The following ARFGEF3 variants were observed in gnomAD, a reference collection of about 807,000 sequenced individuals.
ARFGEF3 encodes ARFGEF family member 3.
ARFGEF3 carries 96 observed loss-of-function variants against 221.7 expected under a neutral mutation model. That is an observed-to-expected ratio of 0.43 (90% CI 0.37 to 0.51). The LOEUF is 0.51. ARFGEF3 is among the 20% of genes least tolerant of loss of function. ARFGEF3 has a pLI of 0.00. For missense variants in ARFGEF3, 2,410 were observed against 2,789.9 expected (o/e 0.86, Z 3.07); for synonymous variants, 1,145 against 1,126.8 (o/e 1.02, Z -0.32).
intron 5 of ARFGEF3, among the ~76,000 whole-genome samples, chr6:138,236,386 T>A (rs561864932): frequency 6.6e-6 from 1 of 152,362 alleles, no homozygotes; most frequent in Non-Finnish European, 1.5e-5. Context: ...ATGGAGAGTT[T>A]GGCTTCATCA....
chr6:138,237,796 C>T (rs1025623319), intron 5 of ARFGEF3, among the ~76,000 whole-genome samples: 1 of 152,174 alleles, frequency 6.6e-6, no homozygotes, highest in Non-Finnish European at 1.5e-5. Flanking sequence ...CTAGAAGCCC[C>T]ATGTCCCAAA....
chr6:138,237,751 A>G (rs1348127524), intron 5 of ARFGEF3, among the ~76,000 whole-genome samples: 1 of 152,214 alleles, frequency 6.6e-6, no homozygotes, highest in Non-Finnish European at 1.5e-5. Context: ...GTGCAAGGAG[A>G]TGAGAGCCAT....
chr6:138,227,134 C>T (rs6907613), intron 4 of ARFGEF3, among the ~76,000 whole-genome samples: 8,019 of 151,690 alleles, frequency 0.053, 423 homozygotes, highest in African/African-American at 0.14. Context: ...ATCTTGTGAA[C>T]ATGGTCAGCA....
At position 138,338,102 on chromosome 6, in the gene ARFGEF3, C is replaced by T. The variant is rs1780364252; in HGVS notation, c.*1616C>T. ...TACCATCTAGAGATCACCACAGAAT[C>T]CATTTTTTTCCCAGTTCCACAAAAC... On this transcript the variant is annotated 3_prime_UTR_variant, in exon 34 of 34. Transcript: ENST00000251691. 6.6e-6 allele frequency: 1 copy of T among 152,194 alleles called. No homozygotes were observed. Among genetic ancestry groups the T allele is most frequent in the South Asian group, 2.1e-4 (1 of 4,828 alleles). The allele number at this position is 152,194 out of a possible 1,614,324, so 9.4% of individuals were successfully genotyped here.
At chr6:138,278,847 T>A (rs1779147090) in intron 13 of ARFGEF3, among the ~76,000 whole-genome samples, 1 of 152,034 alleles carries the variant, frequency 6.6e-6, no homozygotes, top group Admixed American at 6.5e-5. Flanking sequence ...TGGGCTCCAG[T>A]GAAGAGTGTA....
intron 6 of ARFGEF3, among the ~76,000 whole-genome samples, chr6:138,240,800 G>A (rs539038760): frequency 7.9e-5 from 12 of 152,240 alleles, no homozygotes; most frequent in South Asian, 4.1e-4. Flanking sequence ...AAGAATTTAC[G>A]TATTTTTTTT....
intron 12 of ARFGEF3, among the ~76,000 whole-genome samples, chr6:138,271,293 C>T (rs1778999116): frequency 6.6e-6 from 1 of 152,118 alleles, no homozygotes; most frequent in Non-Finnish European, 1.5e-5. Flanking sequence ...GTAGTAAGAC[C>T]TCGTCTCTAC....
chr6:138,236,340 G>A (rs76954155), intron 5 of ARFGEF3, among the ~76,000 whole-genome samples: 2,175 of 152,270 alleles, frequency 0.014, 57 homozygotes, highest in African/African-American at 0.049. Context: ...AAGATTTAAA[G>A]AAAACTGTTA....
At chr6:138,217,847 A>G in intron 4 of ARFGEF3, 2 of 1,218,396 alleles carry the variant, frequency 1.6e-6, no homozygotes, top group East Asian at 2.5e-5. Context: ...ATAACCTCCT[A>G]CATCATCAAA....
At chr6:138,333,562 C>A (rs185377866) in intron 32 of ARFGEF3, among the ~76,000 whole-genome samples, 2 of 152,314 alleles carry the variant, frequency 1.3e-5, no homozygotes, top group East Asian at 3.9e-4. Flanking sequence ...CTGCTTCAGC[C>A]TCCCTAGTAA....
Position 138,291,211 on chromosome 6 carries a change from A to C in ARFGEF3, c.3048-522A>C, listed in dbSNP as rs1300059069. 6.6e-6 allele frequency among the ~76,000 whole-genome samples: 1 copy of C among 151,910 alleles called. No individual in the cohort carries two copies. The highest frequency in any genetic ancestry group is 1.5e-5 in the Non-Finnish European group (1 of 67,982). ...CTCCCACCCGGCCGCCACCCACCCC[A>C]CCCAGACTTGAGTTATGTGGCGCCG... On this transcript the variant is annotated intron_variant, in intron 18 of 33. Coordinates refer to ENST00000251691, the MANE Select transcript of ARFGEF3 (RefSeq NM_020340.5). The surrounding 1 kb of genome is among the most constrained non-coding windows in gnomAD (Gnocchi z 4.5).
chr6:138,319,142 G>A (rs1779977670), intron 27 of ARFGEF3, among the ~76,000 whole-genome samples: 1 of 149,580 alleles, frequency 6.7e-6, no homozygotes, highest in Admixed American at 6.6e-5. Context: ...TTTTGAGAAG[G>A]GATTTCACAA....
Position 138,292,488 on chromosome 6 carries a change from C to T in ARFGEF3, c.3368+435C>T, listed in dbSNP as rs138081983. On this transcript the variant is annotated intron_variant, in intron 19 of 33. Transcript: ENST00000251691. ...TGGCTGTTTTCAAAAATCCCACATG[C>T]ATGTGTTACTTATTGATGCCCAACA... is the stretch of plus-strand genomic sequence containing the variant. Among the ~76,000 whole-genome samples, 283 of 152,312 alleles carry T rather than the reference C, an allele frequency of 1.9e-3. 1 individual carries two copies. Among genetic ancestry groups the T allele is most frequent in the African/African-American group, 6.4e-3 (267 of 41,562 alleles).
rs1780156215 is a variant in ARFGEF3, at chr6:138,327,968, G to C, written c.5002-53G>C. 5 of 1,488,902 alleles carry C rather than the reference G, an allele frequency of 3.4e-6. No homozygotes were observed. The Admixed American group carries it at 8.5e-5, about 25-fold the overall frequency. The allele number at this position is 1,488,902 out of a possible 1,614,324, so 92.2% of individuals were successfully genotyped here. On this transcript the variant is annotated intron_variant, in intron 31 of 33. Coordinates refer to ENST00000251691, the MANE Select transcript of ARFGEF3 (RefSeq NM_020340.5). The stretch of plus-strand genomic sequence containing the variant: ...AGGGTCATCCAGCTGATCCCTGACA[G>C]GTCAAGCAGAGGACACTGGAGTTCT...
chr6:138,243,561 G>T (rs1175071569), intron 7 of ARFGEF3, among the ~76,000 whole-genome samples: 1 of 152,048 alleles, frequency 6.6e-6, no homozygotes, highest in Non-Finnish European at 1.5e-5. Flanking sequence ...TTAAAAACAG[G>T]TTTGATAATA....
At chr6:138,270,379 T>C (rs1442538769) in intron 12 of ARFGEF3, among the ~76,000 whole-genome samples, 1 of 151,682 alleles carries the variant, frequency 6.6e-6, no homozygotes, top group Non-Finnish European at 1.5e-5. Flanking sequence ...TTCAGGAGTT[T>C]ATATAGACAT....
At chr6:138,315,523 T>A (rs1779907647) in intron 26 of ARFGEF3, among the ~76,000 whole-genome samples, 1 of 152,164 alleles carries the variant, frequency 6.6e-6, no homozygotes, top group Non-Finnish European at 1.5e-5. Context: ...GCTAGGAGAT[T>A]TAAAATTTTC....
chr6:138,172,260 G>A (rs559836368), intron 2 of ARFGEF3, among the ~76,000 whole-genome samples: 1 of 152,332 alleles, frequency 6.6e-6, no homozygotes, highest in East Asian at 1.9e-4. Context: ...AGCTGTGAAG[G>A]CATGGATAGT....
At chr6:138,324,558 TTTA>T (rs1780095194) in intron 31 of ARFGEF3, among the ~76,000 whole-genome samples, 2 of 152,220 alleles carry the variant, frequency 1.3e-5, no homozygotes, top group Non-Finnish European at 2.9e-5. Flanking sequence ...GAACTTAACA[TTTA>T]AAAGTTGCTT....
Sources: allele counts gnomAD v4.1 joint callset (sites outside exome capture counted in the v4.1 genomes callset), GRCh38; gene constraint gnomAD v4.1.1; non-coding constraint Gnocchi (gnomAD v3.1); transcripts MANE v1.5; gene names NCBI Gene and HGNC (gene_info 2026-07-23, HGNC 2026-07-21).